TACC2: variants seen among roughly 807,000 people sequenced by gnomAD.
TACC2 encodes transforming acidic coiled-coil-containing protein 2.
TACC2 carries 137 observed loss-of-function variants against 227.3 expected under a neutral mutation model. That is an observed-to-expected ratio of 0.60 (90% CI 0.52 to 0.69). The LOEUF is 0.69. Ranked by LOEUF, TACC2 falls within the 30% of genes least tolerant of loss-of-function variation. The probability of loss-of-function intolerance (pLI) is 0.00; values close to 1 mark genes in which losing one functional copy is unlikely to be tolerated. For synonymous variants in TACC2, 1,523 were observed against 1,487.5 expected (o/e 1.02, Z -0.55); for missense variants, 3,470 against 3,694.4 (o/e 0.94, Z 1.57).
chr10:122,223,590 T>G (rs74859425), intron 11 of TACC2, among the ~76,000 whole-genome samples: 1,890 of 152,286 alleles, frequency 0.012, 38 homozygotes, highest in African/African-American at 0.039. Flanking sequence ...TCCTGAAAGA[T>G]TGTCCACGTG....
Position 122,165,434 on chromosome 10 carries a change from A to G in TACC2, c.5834+21728A>G, listed in dbSNP as rs372408728. Among the ~76,000 whole-genome samples, 52 of 152,294 alleles carry G rather than the reference A, an allele frequency of 3.4e-4. No homozygotes were observed. The Middle Eastern group carries it at 0.02, about 60-fold the overall frequency. On this transcript the variant is annotated intron_variant, in intron 7 of 22. Transcript: ENST00000369005. ...GAAAATGTGCTCCTCAGTCATTGGAAATTCAGCTCGCCGGTCCCTAACGTC... is the reference window on the plus strand; with the variant it reads ...GAAAATGTGCTCCTCAGTCATTGGAGATTCAGCTCGCCGGTCCCTAACGTC...
chr10:122,248,451 C>T, intron 19 of TACC2, 192 bp from the exon 20 acceptor site: 2 of 645,748 alleles, frequency 3.1e-6, no homozygotes, highest in South Asian at 2.0e-5. Flanking sequence ...TCTGGGAAGC[C>T]AGGGCTCTGG....
At position 122,203,493 on chromosome 10, in the gene TACC2, C is replaced by T. The variant is rs560059486; in HGVS notation, c.5972-6904C>T. Among the ~76,000 whole-genome samples the T allele has an allele frequency of 8.8e-3, 1,323 of 150,792 alleles. 5 individuals are homozygous for T. The highest frequency in any genetic ancestry group is 0.014 in the Middle Eastern group (4 of 294). ...CTCACTTCCCAGACGGGGCGGCTGC[C>T]GGGCGGAGGGGCTCCTCACTTCTCA... On this transcript the variant is annotated intron_variant, in intron 8 of 22. Transcript: ENST00000369005.
chr10:121,999,151 G>A (rs927554973), intron 1 of TACC2, among the ~76,000 whole-genome samples: 6 of 152,002 alleles, frequency 3.9e-5, no homozygotes, highest in Non-Finnish European at 7.4e-5. Context: ...TGGGACTACA[G>A]GCGTGCACCA....
intron 8 of TACC2, 64 bp downstream of exon 8, chr10:122,195,240 C>A: frequency 6.9e-7 from 1 of 1,443,032 alleles, no homozygotes; most frequent in Non-Finnish European, 9.4e-7. Flanking sequence ...GGGAGATTTG[C>A]AGCAGTTCCT....
chr10:122,231,271 G>A (rs1280622504), intron 16 of TACC2, among the ~76,000 whole-genome samples: 1 of 152,174 alleles, frequency 6.6e-6, no homozygotes, highest in Non-Finnish European at 1.5e-5. Context: ...GCAAACCTTG[G>A]TCTCTGAGGG....
In TACC2 at chr10:122,093,898, A is replaced by G. The variant is rs539184975; in HGVS notation, c.5573+5307A>G. On this transcript the variant is annotated intron_variant, in intron 5 of 22. Coordinates refer to ENST00000369005, the MANE Select transcript of TACC2 (RefSeq NM_206862.4). ...TAAGCAAAAGGAGGCAATGCCCAAG[A>G]TCTCCAAATGAAATGGTAACAGACC... Among the ~76,000 whole-genome samples the G allele has an allele frequency of 1.1e-4, 17 of 152,324 alleles. No homozygotes were observed. The South Asian group carries it at 2.9e-3, about 26-fold the overall frequency.
intron 5 of TACC2, among the ~76,000 whole-genome samples, chr10:122,125,128 C>T (rs1399681847): frequency 3.3e-5 from 5 of 152,182 alleles, no homozygotes; most frequent in African/African-American, 1.2e-4. Context: ...ATGTGCCATG[C>T]TCTATGTCAT....
chr10:122,084,788 G>T lies in TACC2; in HGVS notation c.2288G>T (p.Arg763Leu), dbSNP rs767385508. ...EGLLTSPDQP[R>L]GPACDASRQE... ...TTGCTGACGTCCCCAGATCAACCCC[G>T]CGGGCCGGCGTGTGATGCGTCGAGA... The change falls in exon 4 of 23, where the codon CGC becomes CTC. Residue 763 changes from arginine (R) to leucine (L), a missense_variant. Physicochemically the swap from Arg to Leu is moderately radical, Grantham distance 102. Transcript: ENST00000369005. The T allele has an allele frequency of 6.2e-7, 1 of 1,613,602 alleles. No individual in the cohort carries two copies. The highest frequency in any genetic ancestry group is 8.5e-7 in the Non-Finnish European group (1 of 1,180,028).
chr10:122,033,276 C>T, intron 2 of TACC2: 1 of 514,284 alleles, frequency 1.9e-6, no homozygotes, highest in South Asian at 1.7e-5. Flanking sequence ...CCTCCCTCTT[C>T]CATTGCTTCT....
At chr10:122,201,133 CCCACAGTGG>C (rs1359343563) in intron 8 of TACC2, among the ~76,000 whole-genome samples, 4 of 148,622 alleles carry the variant, frequency 2.7e-5, no homozygotes, top group African/African-American at 1.0e-4. Flanking sequence ...ACCTCACCTG[CCCACAGTGG>C]CCACATCTAC....
rs2095892796 is a variant in TACC2, at chr10:122,237,949, C to T, written c.8272-12C>T. On this transcript the variant is annotated splice_polypyrimidine_tract_variant and intron_variant, in intron 17 of 22. Coordinates refer to ENST00000369005, the MANE Select transcript of TACC2 (RefSeq NM_206862.4). ...TTGGGGCTAACCTTTCTCTTCTTCT[C>T]TCTGAAACTAGATCATAACCAAGGA... The T allele has an allele frequency of 1.9e-6, 3 of 1,608,274 alleles. No homozygotes were observed. The highest frequency in any genetic ancestry group is 1.7e-6 in the Non-Finnish European group (2 of 1,175,032).
rs2095659554 is a variant in TACC2, at chr10:122,227,898, C to G, written c.7786C>G (p.Pro2596Ala). Reference sequence around the variant, plus strand: ...TGCTGCGAAAAACCAGCATCCTGTCCCACGAGGACTGGCCCCTAACCAAGA... The same window carrying G: ...TGCTGCGAAAAACCAGCATCCTGTCGCACGAGGACTGGCCCCTAACCAAGA... ...NTAAKNQHPV[P>A]RGLAPNQESH... The change falls in exon 14 of 23, where the codon CCA becomes GCA. Residue 2596 changes from proline to alanine, a missense_variant. By Grantham distance (27) the Pro-to-Ala change is conservative. Transcript: ENST00000369005. 6.2e-7 allele frequency: 1 copy of G among 1,614,230 alleles called. No homozygotes were observed. The highest frequency in any genetic ancestry group is 8.5e-7 in the Non-Finnish European group (1 of 1,180,044).
At chr10:122,096,568 T>G (rs910845635) in intron 5 of TACC2, among the ~76,000 whole-genome samples, 1 of 152,002 alleles carries the variant, frequency 6.6e-6, no homozygotes, top group South Asian at 2.1e-4. Flanking sequence ...GGGTGGTGCA[T>G]GCCTATAATC....
intron 3 of TACC2, among the ~76,000 whole-genome samples, chr10:122,055,100 G>A (rs866041679): frequency 2.6e-5 from 4 of 152,078 alleles, no homozygotes; most frequent in Non-Finnish European, 5.9e-5. Flanking sequence ...TGCATCTGTA[G>A]TCCCAGCTAC....
intron 10 of TACC2, among the ~76,000 whole-genome samples, chr10:122,215,678 T>C (rs1390092433): frequency 6.6e-6 from 1 of 152,124 alleles, no homozygotes; most frequent in South Asian, 2.1e-4. Flanking sequence ...AGGAAAAACA[T>C]TAGTTGGGCT....
At chr10:122,123,019 A>T (rs11200416) in intron 5 of TACC2, among the ~76,000 whole-genome samples, 1 of 151,602 alleles carries the variant, frequency 6.6e-6, no homozygotes, top group Non-Finnish European at 1.5e-5. Flanking sequence ...TTTGGAGATC[A>T]TTTTTTTGAG....
At chr10:122,098,611 G>A (rs745848749) in intron 5 of TACC2, among the ~76,000 whole-genome samples, 2 of 152,164 alleles carry the variant, frequency 1.3e-5, no homozygotes, top group Admixed American at 6.5e-5. Context: ...AAAAAATAAC[G>A]TGTGAAAAGC....
At chr10:122,091,593 A>T (rs991383993) in intron 5 of TACC2, among the ~76,000 whole-genome samples, 6 of 152,016 alleles carry the variant, frequency 3.9e-5, no homozygotes, top group African/African-American at 1.4e-4. Context: ...AAAAATTCGG[A>T]TTGGACTCTC....
Sources: allele counts gnomAD v4.1 joint callset (sites outside exome capture counted in the v4.1 genomes callset), GRCh38; gene constraint gnomAD v4.1.1; transcripts MANE v1.5; gene names NCBI Gene and HGNC (gene_info 2026-07-23, HGNC 2026-07-21).